The following NAV3 variants were observed in gnomAD, a reference collection of about 807,000 sequenced individuals.
NAV3 encodes pore membrane and/or filament interacting like protein 1.
A neutral mutation model predicts 244.7 loss-of-function variants in NAV3; 87 were observed. The ratio of observed to expected loss-of-function variants is 0.36; its 90% CI spans 0.30 to 0.42. The LOEUF is 0.42. Among genes scored for constraint, NAV3 ranks in the 20% least tolerant of loss-of-function variants. NAV3 has a pLI of 1.00. For synonymous variants in NAV3, 1,126 were observed against 1,042.2 expected (o/e 1.08, Z -1.55); for missense variants, 2,663 against 2,893.3 (o/e 0.92, Z 1.83).
At chr12:77,868,755 CAAAAAA>C (rs35998964) in intron 1 of NAV3, among the ~76,000 whole-genome samples, 10 of 103,676 alleles carry the variant, frequency 9.6e-5, no homozygotes. Context: ...GACTCCATCT[CAAAAAA>C]AAAAAAAAAA....
chr12:77,797,937 G>A (rs953460659), intron 2 of NAV3, among the ~76,000 whole-genome samples: 3 of 151,922 alleles, frequency 2.0e-5, no homozygotes, highest in Admixed American at 2.0e-4. Flanking sequence ...GGGAGGCCAA[G>A]GCAAGCAGAT....
chr12:77,804,079 G>A (rs1193947479), intron 2 of NAV3, among the ~76,000 whole-genome samples: 1 of 151,978 alleles, frequency 6.6e-6, no homozygotes, highest in African/African-American at 2.4e-5. Context: ...TCTGTAGGTT[G>A]CCTGTTCACT....
chr12:77,591,599 C>A (rs1322627301), intron 2 of NAV3, among the ~76,000 whole-genome samples: 1 of 152,158 alleles, frequency 6.6e-6, no homozygotes, highest in Non-Finnish European at 1.5e-5. Context: ...TTATCCATAA[C>A]AATTTGATCA....
chr12:77,963,183 T>G (rs749503355), intron 3 of NAV3, among the ~76,000 whole-genome samples: 9 of 152,124 alleles, frequency 5.9e-5, no homozygotes, highest in Admixed American at 4.6e-4. Context: ...AAAAAGCAAT[T>G]AAAACAGTGT....
chr12:77,598,298 A>G (rs565093859), intron 2 of NAV3, among the ~76,000 whole-genome samples: 1 of 152,072 alleles, frequency 6.6e-6, no homozygotes, highest in African/African-American at 2.4e-5. Context: ...GTATGGATGT[A>G]TCCCAATCTA....
chr12:78,175,667 GA>G (rs1331357964), intron 25 of NAV3, among the ~76,000 whole-genome samples: 1 of 151,886 alleles, frequency 6.6e-6, no homozygotes, highest in Non-Finnish European at 1.5e-5. Context: ...TGAGGGGCCT[GA>G]ATTTTCTAAC....
At chr12:77,696,107 C>A (rs893947930) in intron 2 of NAV3, among the ~76,000 whole-genome samples, 2 of 152,080 alleles carry the variant, frequency 1.3e-5, no homozygotes, top group African/African-American at 4.8e-5. Context: ...CACTGAGATG[C>A]CCCAAACTAC....
chr12:77,902,205 C>T (rs1452138577), intron 1 of NAV3, among the ~76,000 whole-genome samples: 1 of 152,168 alleles, frequency 6.6e-6, no homozygotes, highest in African/African-American at 2.4e-5. Context: ...AATCAGGATG[C>T]TACTTTGCCG....
intron 12 of NAV3, among the ~76,000 whole-genome samples, chr12:78,100,257 T>C (rs1263885576): frequency 6.6e-6 from 1 of 151,928 alleles, no homozygotes; most frequent in African/African-American, 2.4e-5. Context: ...TATGATATAG[T>C]AACCTAATGT....
At chr12:77,729,101 A>C (rs1877012089) in intron 2 of NAV3, among the ~76,000 whole-genome samples, 4 of 152,076 alleles carry the variant, frequency 2.6e-5, no homozygotes. Flanking sequence ...TGTTATCAGT[A>C]AGGCTTCCAG....
At chr12:77,928,988 A>C (rs776432378) in intron 1 of NAV3, among the ~76,000 whole-genome samples, 1 of 152,182 alleles carries the variant, frequency 6.6e-6, no homozygotes, top group Non-Finnish European at 1.5e-5. Flanking sequence ...TTATTTGTCC[A>C]TCTGGCTTTA....
intron 2 of NAV3, among the ~76,000 whole-genome samples, chr12:77,678,890 C>T (rs952248180): frequency 1.3e-5 from 2 of 152,094 alleles, no homozygotes; most frequent in African/African-American, 4.8e-5. Context: ...TGCCCAGTTC[C>T]TGAAAGCTTT....
intron 8 of NAV3, among the ~76,000 whole-genome samples, chr12:78,009,721 T>A (rs755182488): frequency 6.6e-6 from 1 of 152,186 alleles, no homozygotes; most frequent in Non-Finnish European, 1.5e-5. Flanking sequence ...ATCTGCCACA[T>A]AGTAAACAGC....
intron 2 of NAV3, among the ~76,000 whole-genome samples, chr12:77,572,770 G>C (rs1475284555): frequency 6.6e-6 from 1 of 152,212 alleles, no homozygotes; most frequent in Non-Finnish European, 1.5e-5. Flanking sequence ...TGCGAGCTTT[G>C]TTTTGATTCT....
chr12:77,779,416 T>C (rs1870552137), intron 2 of NAV3, among the ~76,000 whole-genome samples: 1 of 152,162 alleles, frequency 6.6e-6, no homozygotes, highest in Non-Finnish European at 1.5e-5. Context: ...TTGCAACTCC[T>C]TTAAACTGTT....
chr12:77,840,320 A>G (rs1055261882), intron 1 of NAV3, among the ~76,000 whole-genome samples: 1 of 152,188 alleles, frequency 6.6e-6, no homozygotes, highest in African/African-American at 2.4e-5. Flanking sequence ...TACAGAATGG[A>G]AGAAGTATGC....
At chr12:78,113,337 A>G (rs1224886792) in intron 12 of NAV3, among the ~76,000 whole-genome samples, 1 of 152,194 alleles carries the variant, frequency 6.6e-6, no homozygotes, top group Admixed American at 6.5e-5. Context: ...CTGATCCCAC[A>G]TTTCCCTTCC....
At chr12:77,709,398 A>G (rs1205914075) in intron 2 of NAV3, among the ~76,000 whole-genome samples, 1 of 152,226 alleles carries the variant, frequency 6.6e-6, no homozygotes, top group African/African-American at 2.4e-5. Flanking sequence ...GGCACAAGAC[A>G]GGGATGCCCT....
At chr12:78,108,085 A>T (rs551983362) in intron 12 of NAV3, among the ~76,000 whole-genome samples, 31 of 152,184 alleles carry the variant, frequency 2.0e-4, no homozygotes, top group Non-Finnish European at 3.8e-4. Context: ...GCAGACATAC[A>T]TAGGCTGAAA....
Sources: gnomAD v4.1 joint callset for allele counts (sites outside exome capture counted in the v4.1 genomes callset) on GRCh38, gnomAD v4.1.1 for gene constraint, MANE v1.5 for transcripts, NCBI Gene and HGNC (gene_info 2026-07-23, HGNC 2026-07-21) for gene names.